AFDN: variants seen among roughly 807,000 people sequenced by gnomAD.
The protein encoded by AFDN is afadin, adherens junction formation factor.
A neutral mutation model predicts 216.6 loss-of-function variants in AFDN; 68 were observed. The observed-to-expected ratio is 0.31, with a 90% CI of 0.26 to 0.38. The LOEUF (loss-of-function observed/expected upper bound fraction) is 0.38, where lower values mean the gene tolerates loss of function less well. Among genes scored for constraint, AFDN ranks in the 10% least tolerant of loss-of-function variants. AFDN has a pLI of 1.00. For missense variants in AFDN, 2,136 were observed against 2,342.0 expected, an observed-to-expected ratio of 0.91 and a Z score of 1.82; for synonymous variants, 868 against 853.7, an observed-to-expected ratio of 1.02 and a Z score of -0.29.
At chr6:167,958,139 T>G (rs143892404) in intron 30 of AFDN, among the ~76,000 whole-genome samples, 47 of 152,362 alleles carry the variant, frequency 3.1e-4, no homozygotes, top group Middle Eastern at 3.4e-3. Context: ...AGCTTCGTTT[T>G]ATGTCCAAAA....
intron 1 of AFDN, among the ~76,000 whole-genome samples, chr6:167,861,168 T>G (rs1783522592): frequency 6.6e-6 from 1 of 152,196 alleles, no homozygotes; most frequent in South Asian, 2.1e-4. Context: ...TTGACTAGTT[T>G]TGATAAGATT....
chr6:167,904,318 C>T (rs1267447994), intron 12 of AFDN, among the ~76,000 whole-genome samples: 3 of 152,002 alleles, frequency 2.0e-5, no homozygotes, highest in Non-Finnish European at 4.4e-5. Context: ...AAGTCATTCT[C>T]CTGCCTCTGC....
Position 167,890,967 on chromosome 6 carries a change from G to T in AFDN, c.1115G>T (p.Gly372Val), listed in dbSNP as rs969020085. 3.1e-6 allele frequency: 5 copies of T among 1,613,946 alleles called. No individual in the cohort carries two copies. Among genetic ancestry groups the T allele is most frequent in the African/African-American group, 1.3e-5 (1 of 74,898 alleles). The change falls in exon 8 of 34, where the codon GGG becomes GTG. Residue 372 changes from glycine to valine, a missense_variant. Around this residue, in one of 8 missense-constraint regions of AFDN, gnomAD observed 817 missense variants for 965.7 expected, o/e 0.85. Coordinates refer to ENST00000683244, the MANE Select transcript of AFDN (RefSeq NM_001386888.1). ...CCCAAGGGAAAGGAGAGAGCTGACG[G>T]GTCTGGCTATGGCTCCACCCTTCCT... ...KTPKGKERAD[G>V]SGYGSTLPPE...
At chr6:167,917,019 A>G in intron 19 of AFDN, 70 bp from the exon 20 acceptor site, 1 of 1,349,682 alleles carries the variant, frequency 7.4e-7, no homozygotes. Context: ...TATAAATATT[A>G]CATAAAGGAT....
At chr6:167,864,803 C>A in intron 2 of AFDN, 57 bp downstream of exon 2, 2 of 1,539,066 alleles carry the variant, frequency 1.3e-6, no homozygotes, top group Non-Finnish European at 1.8e-6. Flanking sequence ...GAAGAGACAG[C>A]TTGTCCAGGG....
At chr6:167,911,721 G>C (rs1790422009) in intron 15 of AFDN, 2 of 515,694 alleles carry the variant, frequency 3.9e-6, no homozygotes, top group East Asian at 6.7e-5. Flanking sequence ...TTAACTTGTA[G>C]TAATAGTTGT....
rs573426505 is a variant in AFDN, at chr6:167,859,076, T to TG, written c.106-5475_106-5474insG. On this transcript the variant is annotated intron_variant, in intron 1 of 33. Transcript: ENST00000683244. ...GAAATTTTATGGCCGTTCTTGTTTT[T>TG]TTTTTTTTTTTTTTCTTTTTCAAAT... is the stretch of plus-strand genomic sequence containing the variant. Among the ~76,000 whole-genome samples the TG allele has an allele frequency of 5.5e-3, 838 of 151,102 alleles. 15 individuals carry two copies. Among genetic ancestry groups the TG allele is most frequent in the African/African-American group, 0.02 (808 of 41,260 alleles).
intron 21 of AFDN, 132 bp from the exon 22 acceptor site, chr6:167,922,724 A>C: frequency 1.8e-6 from 1 of 559,916 alleles, no homozygotes. Context: ...CAGTTTGCAG[A>C]GGGGATTAAA....
chr6:167,933,064 G>A (rs529375894), intron 23 of AFDN, among the ~76,000 whole-genome samples: 2 of 152,112 alleles, frequency 1.3e-5, no homozygotes, highest in African/African-American at 4.8e-5. Context: ...GATAACTGCC[G>A]CTATGTAACT....
At chr6:167,925,241 C>G (rs149329861) in intron 23 of AFDN, 150 bp downstream of exon 23, 6 of 635,566 alleles carry the variant, frequency 9.4e-6, no homozygotes, top group East Asian at 8.3e-5. Context: ...AATGGTGTTA[C>G]ATGAATGAAG....
intron 32 of AFDN, among the ~76,000 whole-genome samples, chr6:167,967,294 TA>T: frequency 6.6e-6 from 1 of 152,364 alleles, no homozygotes; most frequent in East Asian, 1.9e-4. Flanking sequence ...AGAGTCAGTG[TA>T]ACTGTCACCC....
intron 4 of AFDN, among the ~76,000 whole-genome samples, chr6:167,874,247 A>C (rs1180391566): frequency 6.6e-6 from 1 of 152,194 alleles, no homozygotes; most frequent in Non-Finnish European, 1.5e-5. Flanking sequence ...AAACCAAAAC[A>C]AACCAAAAGC....
At position 167,915,222 on chromosome 6, in the gene AFDN, T is replaced by G. The variant is rs1367698925; in HGVS notation, c.2354T>G (p.Val785Gly). Reference sequence around the variant, plus strand: ...ATGTCCTTGCTACGACGCTGCAGAGTCAATGCCGCCCTGACCATCCAGCTC... The same window carrying G: ...ATGTCCTTGCTACGACGCTGCAGAGGCAATGCCGCCCTGACCATCCAGCTC... ...GAMSLLRRCR[V>G]NAALTIQLFS... Residue 785 changes from valine to glycine, a missense_variant, in exon 19 of 34, where the codon GTC becomes GGC. Val to Gly is a moderately radical substitution (Grantham distance 109, BLOSUM62 -3). Transcript: ENST00000683244. 2 of 1,614,104 alleles carry G rather than the reference T, an allele frequency of 1.2e-6. No individual in the cohort carries two copies. The highest frequency in any genetic ancestry group is 1.7e-6 in the Non-Finnish European group (2 of 1,180,046).
At chr6:167,847,365 C>T (rs1781813376) in intron 1 of AFDN, among the ~76,000 whole-genome samples, 1 of 152,146 alleles carries the variant, frequency 6.6e-6, no homozygotes, top group African/African-American at 2.4e-5. Context: ...ACTTCAGCCC[C>T]ATATAGCCAG....
At chr6:167,900,278 A>G (rs1024189153) in intron 11 of AFDN, among the ~76,000 whole-genome samples, 11 of 152,212 alleles carry the variant, frequency 7.2e-5, no homozygotes, top group African/African-American at 2.7e-4. Context: ...CCTCCAATGC[A>G]GATTTCATAG....
chr6:167,968,170 A>T (rs1253764534), intron 32 of AFDN, among the ~76,000 whole-genome samples: 2 of 152,234 alleles, frequency 1.3e-5, no homozygotes, highest in Non-Finnish European at 2.9e-5. Flanking sequence ...TAAGCAAGAT[A>T]AAAAATTTGG....
intron 12 of AFDN, among the ~76,000 whole-genome samples, chr6:167,904,538 A>G (rs532145644): frequency 7.2e-5 from 11 of 152,004 alleles, no homozygotes; most frequent in Admixed American, 1.3e-4. Flanking sequence ...GGTTTACTTG[A>G]CATATCCACT....
chr6:167,891,605 A>G (rs1464674071), intron 8 of AFDN, among the ~76,000 whole-genome samples: 1 of 151,980 alleles, frequency 6.6e-6, no homozygotes, highest in East Asian at 1.9e-4. Context: ...TTTTTGTAGA[A>G]CTCTTAATAC....
At position 167,906,177 on chromosome 6, in the gene AFDN, T is replaced by C. The variant is rs187940169; in HGVS notation, c.1651-994T>C. 1.6e-4 allele frequency among the ~76,000 whole-genome samples: 25 copies of C among 152,346 alleles called. No homozygotes were observed. In the East Asian group the frequency reaches 4.8e-3, roughly 29 times the overall value. On this transcript the variant is annotated intron_variant, in intron 12 of 33. Transcript: ENST00000683244. ...ATAAATATATTTACAAGCATAATTG[T>C]CTTGTCACTCTGTACTGATGAACAT...
Sources: allele counts gnomAD v4.1 joint callset (sites outside exome capture counted in the v4.1 genomes callset), GRCh38; gene constraint gnomAD v4.1.1; regional missense constraint gnomAD v4.1.1; transcripts MANE v1.5; gene names NCBI Gene and HGNC (gene_info 2026-07-23, HGNC 2026-07-21).